GTF2F2: variants seen among roughly 807,000 people sequenced by gnomAD.
GTF2F2 encodes the protein ATP-dependent helicase GTF2F2.
Under a neutral mutation model 42.2 loss-of-function variants are expected in GTF2F2, and 23 were observed. That is an observed-to-expected ratio of 0.55 (90% CI 0.39 to 0.77). The LOEUF is 0.77. Among genes scored for constraint, GTF2F2 ranks in the 30% least tolerant of loss-of-function variants. GTF2F2 has a pLI of 0.00. For missense variants in GTF2F2, 261 were observed against 287.2 expected (o/e 0.91, Z 0.66); for synonymous variants, 105 against 100.8 (o/e 1.04, Z -0.25).
chr13:45,238,946 A>G (rs939296033), intron 5 of GTF2F2, among the ~76,000 whole-genome samples: 4 of 67,488 alleles, frequency 5.9e-5, no homozygotes, highest in Admixed American at 1.2e-4. Context: ...TTCCATCTCG[A>G]AAAAAAAAAA....
At chr13:45,242,056 G>A (rs916933618) in intron 5 of GTF2F2, among the ~76,000 whole-genome samples, 5 of 151,992 alleles carry the variant, frequency 3.3e-5, no homozygotes, top group South Asian at 2.1e-4. Context: ...ATAGATTGAC[G>A]TATACTTACT....
At chr13:45,272,326 G>A (rs983295927) in intron 7 of GTF2F2, among the ~76,000 whole-genome samples, 1 of 149,058 alleles carries the variant, frequency 6.7e-6, no homozygotes, top group Non-Finnish European at 1.5e-5. Flanking sequence ...TTTTTGAATA[G>A]TGATTCTAAT....
At chr13:45,172,318 C>CT (rs1871638295) in intron 4 of GTF2F2, among the ~76,000 whole-genome samples, 1 of 152,122 alleles carries the variant, frequency 6.6e-6, no homozygotes. Flanking sequence ...TTTTCATGTG[C>CT]TTGTTAGCCA....
intron 4 of GTF2F2, among the ~76,000 whole-genome samples, chr13:45,190,951 A>C (rs1189136579): frequency 6.6e-6 from 1 of 151,698 alleles, no homozygotes. Flanking sequence ...AAAAAAAAAA[A>C]AAAAACTGAA....
intron 5 of GTF2F2, among the ~76,000 whole-genome samples, chr13:45,236,483 CCACACATA>C (rs1874987420): frequency 7.8e-6 from 1 of 127,722 alleles, no homozygotes; most frequent in African/African-American, 3.7e-5. Flanking sequence ...TCACCCCCCG[CCACACATA>C]CACACACACA....
At chr13:45,232,451 A>G (rs1487973547) in intron 5 of GTF2F2, among the ~76,000 whole-genome samples, 3 of 151,934 alleles carry the variant, frequency 2.0e-5, no homozygotes, top group African/African-American at 7.3e-5. Flanking sequence ...ACACAGTGAG[A>G]TCTTGTCTCC....
rs903759525 is a variant in GTF2F2 at position 45,128,322 on chromosome 13, T to C, written c.66+7601T>C. Among the ~76,000 whole-genome samples the C allele has an allele frequency of 5.4e-5, 8 of 148,890 alleles. No homozygotes were observed. In the East Asian group the frequency reaches 1.7e-3, roughly 32 times the overall value. Reference sequence around the variant, plus strand: ...GGGCACAGTGGCTCACGCCTGTAATTGCAGCACTTTGGGAGGCCGAGGCGG... The same window carrying C: ...GGGCACAGTGGCTCACGCCTGTAATCGCAGCACTTTGGGAGGCCGAGGCGG... On this transcript the variant is annotated intron_variant, in intron 1 of 7. Transcript: ENST00000340473.
chr13:45,269,292 T>TA (rs1472380091), intron 7 of GTF2F2, among the ~76,000 whole-genome samples: 4 of 152,206 alleles, frequency 2.6e-5, no homozygotes, highest in Non-Finnish European at 4.4e-5. Context: ...AGGGCCACCA[T>TA]ATTTTCTTCA....
At chr13:45,135,606 A>G (rs1869580027) in intron 1 of GTF2F2, among the ~76,000 whole-genome samples, 1 of 152,190 alleles carries the variant, frequency 6.6e-6, no homozygotes, top group Admixed American at 6.5e-5. Context: ...TTGAACAAAT[A>G]CCATCAGGGG....
chr13:45,157,306 G>A (rs1327076614), intron 4 of GTF2F2, among the ~76,000 whole-genome samples: 5 of 152,158 alleles, frequency 3.3e-5, no homozygotes, highest in Non-Finnish European at 7.4e-5. Context: ...GAAGAAGGGT[G>A]GATGTTGGCA....
At chr13:45,251,467 G>A (rs928285495) in intron 5 of GTF2F2, among the ~76,000 whole-genome samples, 1 of 151,998 alleles carries the variant, frequency 6.6e-6, no homozygotes, top group African/African-American at 2.4e-5. Flanking sequence ...CTCTTTTTAA[G>A]AAAGTGTACT....
intron 1 of GTF2F2, among the ~76,000 whole-genome samples, chr13:45,127,938 CTTTTTTT>C (rs1161627204): frequency 0.016 from 760 of 48,556 alleles, 1 homozygote; most frequent in Non-Finnish European, 0.024. Context: ...GCACCCCGGC[CTTTTTTT>C]TTTTTTTTTT....
chr13:45,135,175 A>C (rs1011095940), intron 1 of GTF2F2, among the ~76,000 whole-genome samples: 1 of 152,012 alleles, frequency 6.6e-6, no homozygotes, highest in African/African-American at 2.4e-5. Context: ...GCTGGTCTAG[A>C]ACTCCTGACC....
chr13:45,260,779 G>C (rs532311828), intron 6 of GTF2F2, among the ~76,000 whole-genome samples: 1 of 152,252 alleles, frequency 6.6e-6, no homozygotes, highest in East Asian at 1.9e-4. Flanking sequence ...CAGCACTTTC[G>C]GAGGCTGAGG....
intron 1 of GTF2F2, among the ~76,000 whole-genome samples, chr13:45,130,292 C>G (rs1869266356): frequency 6.6e-6 from 1 of 152,034 alleles, no homozygotes; most frequent in Non-Finnish European, 1.5e-5. Flanking sequence ...TCTGCAGTTG[C>G]AAAATAGAAT....
intron 6 of GTF2F2, among the ~76,000 whole-genome samples, chr13:45,261,669 T>G (rs1202307999): frequency 6.6e-6 from 1 of 152,196 alleles, no homozygotes; most frequent in African/African-American, 2.4e-5. Flanking sequence ...TGCCAACAAG[T>G]TAGATATCTG....
chr13:45,227,659 T>A (rs1222517286), intron 5 of GTF2F2, among the ~76,000 whole-genome samples: 2 of 152,236 alleles, frequency 1.3e-5, no homozygotes, highest in Non-Finnish European at 2.9e-5. Flanking sequence ...TTAAAAGGAA[T>A]ATAGATCAGT....
rs181118029 is a variant in GTF2F2 at position 45,271,461 on chromosome 13, G to T, written c.630+4085G>T. On this transcript the variant is annotated intron_variant, in intron 7 of 7. Transcript: ENST00000340473. ...TGCAGTGGTGCAATCTCGGATCACT[G>T]CAACCTCCACCTCCTAGTTCAAGCG... Among the ~76,000 whole-genome samples the T allele has an allele frequency of 6.0e-5, 9 of 150,372 alleles. No homozygotes were observed. In the East Asian group the frequency reaches 1.6e-3, roughly 27 times the overall value.
At position 45,191,224 on chromosome 13, in the gene GTF2F2, A is replaced by AATATATATATAT. The variant is rs1165963910; in HGVS notation, c.305-16180_305-16169dup. 1.2e-3 allele frequency among the ~76,000 whole-genome samples: 92 copies of AATATATATATAT among 75,222 alleles called. 1 individual carries two copies. The highest frequency in any genetic ancestry group is 3.1e-3 in the African/African-American group (31 of 9,978). 49.3% of individuals were successfully genotyped at this position (75,222 alleles called of 152,430 possible). A position where few individuals can be genotyped will look rare whatever the true frequency, so the allele number is the denominator to read the frequency against. ...GTCTCTACTAAAAATACAAAAAAAA[A>AATATATATATAT]ATATATATATATATATATATATATA... On this transcript the variant is annotated intron_variant, in intron 4 of 7. Coordinates refer to ENST00000340473, the MANE Select transcript of GTF2F2 (RefSeq NM_004128.3).
Sources: allele counts gnomAD v4.1 joint callset (sites outside exome capture counted in the v4.1 genomes callset), GRCh38; gene constraint gnomAD v4.1.1; transcripts MANE v1.5; gene names NCBI Gene and HGNC (gene_info 2026-07-23, HGNC 2026-07-21).